The following GPHN variants were observed in gnomAD, a reference collection of about 807,000 sequenced individuals.
GPHN encodes gephyrin.
In GPHN, 17 loss-of-function variants were observed where a neutral mutation model predicts 95.5. That is an observed-to-expected ratio of 0.18 (90% confidence interval 0.12 to 0.27). The LOEUF (loss-of-function observed/expected upper bound fraction) is 0.27, where lower values mean the gene tolerates loss of function less well. Ranked by LOEUF, GPHN falls within the 10% of genes least tolerant of loss-of-function variation. The pLI is 1.00. For synonymous variants in GPHN, 320 were observed against 322.5 expected, an observed-to-expected ratio of 0.99 and a Z score of 0.08; for missense variants, 660 against 978.1, an observed-to-expected ratio of 0.67 and a Z score of 4.34.
At chr14:66,872,030 A>T (rs2063460797) in intron 4 of GPHN, among the ~76,000 whole-genome samples, 1 of 152,192 alleles carries the variant, frequency 6.6e-6, no homozygotes, top group African/African-American at 2.4e-5. Context: ...AATGTCTCCC[A>T]TTGTTAAATA....
At chr14:66,659,338 T>C (rs1471305652) in intron 1 of GPHN, among the ~76,000 whole-genome samples, 1 of 152,086 alleles carries the variant, frequency 6.6e-6, no homozygotes, top group Non-Finnish European at 1.5e-5. Context: ...TTTACAATAA[T>C]TGATTTTTCT....
intron 2 of GPHN, among the ~76,000 whole-genome samples, chr14:66,688,745 G>A (rs1374749717): frequency 1.3e-5 from 2 of 152,132 alleles, no homozygotes; most frequent in Non-Finnish European, 1.5e-5. Context: ...TTGAATGAAA[G>A]TTGTGAAAGT....
At chr14:66,804,899 G>T (rs892203896) in intron 3 of GPHN, among the ~76,000 whole-genome samples, 1 of 152,072 alleles carries the variant, frequency 6.6e-6, no homozygotes, top group African/African-American at 2.4e-5. Context: ...ACTGATTATT[G>T]CTAGGATTAA....
At chr14:67,537,848 G>T in the GPHN span, among the ~76,000 whole-genome samples, 7 of 152,108 alleles carry the variant, frequency 4.6e-5, no homozygotes, top group African/African-American at 1.4e-4. Flanking sequence ...TGCCTCTGGG[G>T]CATATCCCCA....
chr14:67,245,989 C>T, the GPHN span, among the ~76,000 whole-genome samples: 3 of 152,042 alleles, frequency 2.0e-5, no homozygotes, highest in Non-Finnish European at 4.4e-5. Context: ...AGTTCCATGA[C>T]CATTTGTTTA....
the GPHN span, chr14:67,724,996 C>G: frequency 3.1e-6 from 4 of 1,305,520 alleles, no homozygotes; most frequent in Non-Finnish European, 4.4e-6. Context: ...TGAAGGATGG[C>G]TGGGAGAATG....
At chr14:67,146,326 C>T (rs1371539377) in intron 18 of GPHN, among the ~76,000 whole-genome samples, 1 of 152,198 alleles carries the variant, frequency 6.6e-6, no homozygotes, top group Non-Finnish European at 1.5e-5. Context: ...TCACCCTGCC[C>T]TACATACTCT....
chr14:67,601,672 G>A, the GPHN span, among the ~76,000 whole-genome samples: 7 of 152,140 alleles, frequency 4.6e-5, no homozygotes, highest in African/African-American at 1.7e-4. Flanking sequence ...GGAGGCTGAG[G>A]AGGGCAGATC....
chr14:67,126,229 G>T (rs535938188), intron 17 of GPHN, among the ~76,000 whole-genome samples: 2 of 152,242 alleles, frequency 1.3e-5, no homozygotes, highest in South Asian at 4.1e-4. Context: ...GACACATTTT[G>T]AAACCCAGAG....
rs7142755 is a variant in GPHN, at chr14:66,681,406, C to G, written c.143+221C>G. On this transcript the variant is annotated intron_variant, in intron 2 of 22. Transcript: ENST00000478722. ...TAATGATTGATTTTCAAGGAGGAATCCTGATGGCTGATGATATCTTGCCAA... is the reference window on the plus strand; with the variant it reads ...TAATGATTGATTTTCAAGGAGGAATGCTGATGGCTGATGATATCTTGCCAA... Among the ~76,000 whole-genome samples, 47,210 of 151,904 alleles carry G rather than the reference C, an allele frequency of 0.31. 11,134 individuals are homozygous for G. The highest frequency in any genetic ancestry group is 0.63 in the African/African-American group (26,253 of 41,372).
At chr14:67,216,791 A>T in the GPHN span, among the ~76,000 whole-genome samples, 3 of 152,160 alleles carry the variant, frequency 2.0e-5, no homozygotes, top group African/African-American at 7.2e-5. Context: ...ATTTTTAAAA[A>T]TTTTGGATAA....
At chr14:67,263,239 TTGA>T in the GPHN span, among the ~76,000 whole-genome samples, 1 of 152,192 alleles carries the variant, frequency 6.6e-6, no homozygotes, top group Non-Finnish European at 1.5e-5. Flanking sequence ...ATTTGTCTAA[TTGA>T]AAAGAATCAT....
rs749369356 is a variant in GPHN at position 66,817,949 on chromosome 14, T to A, written c.202-6525T>A. On this transcript the variant is annotated intron_variant, in intron 3 of 22. Coordinates refer to ENST00000478722, the MANE Select transcript of GPHN (RefSeq NM_020806.5). ...GGTTGTAGAAATAGACCCCACCTCC[T>A]GACAGGAGGATTTACAATGACTGTA... is the stretch of plus-strand genomic sequence containing the variant. Among the ~76,000 whole-genome samples the A allele has an allele frequency of 3.9e-4, 59 of 152,318 alleles. No homozygotes were observed. The Middle Eastern group carries it at 0.014, about 35-fold the overall frequency.
the GPHN span, among the ~76,000 whole-genome samples, chr14:67,246,357 T>A: frequency 6.6e-6 from 1 of 152,082 alleles, no homozygotes; most frequent in Non-Finnish European, 1.5e-5. Flanking sequence ...TATTTAAAAA[T>A]TTTTTGAGAC....
chr14:67,510,602 T>C, the GPHN span, among the ~76,000 whole-genome samples: 1 of 152,202 alleles, frequency 6.6e-6, no homozygotes, highest in East Asian at 1.9e-4. Context: ...CTGGAACCGC[T>C]GCTTGTGTTG....
At chr14:66,663,585 A>C (rs1407902289) in intron 1 of GPHN, among the ~76,000 whole-genome samples, 4 of 152,224 alleles carry the variant, frequency 2.6e-5, no homozygotes, top group Admixed American at 2.6e-4. Flanking sequence ...ACAAGTCTCC[A>C]AAATAACCAG....
chr14:66,784,750 A>C (rs1033781174), intron 3 of GPHN, among the ~76,000 whole-genome samples: 1 of 152,210 alleles, frequency 6.6e-6, no homozygotes, highest in African/African-American at 2.4e-5. Flanking sequence ...AAACGCTATG[A>C]ATAAAGGTAG....
chr14:67,583,836 G>T, the GPHN span: 3 of 1,613,482 alleles, frequency 1.9e-6, no homozygotes, highest in Non-Finnish European at 2.5e-6. Flanking sequence ...TCCTAGACAG[G>T]TTCCACCCCA....
At chr14:66,927,212 G>A (rs1054484378) in intron 8 of GPHN, among the ~76,000 whole-genome samples, 1 of 152,018 alleles carries the variant, frequency 6.6e-6, no homozygotes, top group Non-Finnish European at 1.5e-5. Context: ...AGCCTGGTGT[G>A]GTGGCAGGCC....
Sources: allele counts gnomAD v4.1 joint callset (sites outside exome capture counted in the v4.1 genomes callset), GRCh38; gene constraint gnomAD v4.1.1; transcripts MANE v1.5; gene names NCBI Gene and HGNC (gene_info 2026-07-23, HGNC 2026-07-21).